The following SYT14 variants were observed in gnomAD, a reference collection of about 807,000 sequenced individuals.
SYT14 encodes the protein synaptotagmin-14.
Under a neutral mutation model 74.2 loss-of-function variants are expected in SYT14, and 32 were observed. The observed-to-expected ratio is 0.43, with a 90% CI of 0.33 to 0.58. The LOEUF is 0.58. SYT14 is among the 20% of genes least tolerant of loss of function. The pLI, the probability that SYT14 is intolerant of heterozygous loss-of-function variation, is 0.05. For synonymous variants in SYT14, 298 were observed against 337.7 expected (o/e 0.88, Z 1.29); for missense variants, 791 against 981.8 (o/e 0.81, Z 2.60).
intron 2 of SYT14, among the ~76,000 whole-genome samples, chr1:209,960,344 G>T (rs1209474631): frequency 1.3e-5 from 2 of 152,068 alleles, no homozygotes. Flanking sequence ...ATGATCAGTG[G>T]TTAACTTTGT....
intron 2 of SYT14, among the ~76,000 whole-genome samples, chr1:209,997,211 C>T (rs1165167466): frequency 2.0e-5 from 3 of 151,978 alleles, no homozygotes; most frequent in South Asian, 4.2e-4. Flanking sequence ...TGATTCTACA[C>T]GTAGAAAATC....
Position 210,097,484 on chromosome 1 carries a change from A to G in SYT14, c.1585-2528A>G, listed in dbSNP as rs183248966. 2.6e-5 allele frequency among the ~76,000 whole-genome samples: 4 copies of G among 152,228 alleles called. No homozygotes were observed. In the East Asian group the frequency reaches 7.7e-4, roughly 29 times the overall value. The stretch of plus-strand genomic sequence containing the variant: ...TCTGTCAGTGTTCCACCCTTTCAAC[A>G]TTGGGTTTCATAAGAGTTGTTGGAA... On this transcript the variant is annotated intron_variant, in intron 6 of 9. Transcript: ENST00000637265.
At chr1:210,054,956 C>T (rs1329388894) in intron 5 of SYT14, among the ~76,000 whole-genome samples, 2 of 152,118 alleles carry the variant, frequency 1.3e-5, no homozygotes, top group African/African-American at 4.8e-5. Context: ...ATAGAGGACA[C>T]AGTTTGGGGT....
At chr1:209,964,587 C>T (rs1490921122) in intron 2 of SYT14, among the ~76,000 whole-genome samples, 1 of 152,116 alleles carries the variant, frequency 6.6e-6, no homozygotes, top group Non-Finnish European at 1.5e-5. Context: ...GTATCCTCTC[C>T]TACAATTTAT....
rs568699802 is a variant in SYT14 at position 209,991,349 on chromosome 1, C to T, written c.-485-22284C>T. Among the ~76,000 whole-genome samples, 14 of 152,230 alleles carry T rather than the reference C, an allele frequency of 9.2e-5. No homozygotes were observed. The East Asian group carries it at 2.5e-3, about 27-fold the overall frequency. ...ATCAACACAGTGAACAGACAACCTGCAGAATGGGGGAAAATACTAGCCAAC... is the reference window on the plus strand; with the variant it reads ...ATCAACACAGTGAACAGACAACCTGTAGAATGGGGGAAAATACTAGCCAAC... On this transcript the variant is annotated intron_variant, in intron 2 of 9. Coordinates refer to ENST00000637265, the Ensembl canonical transcript of SYT14.
At chr1:209,968,861 A>G (rs577469595) in intron 2 of SYT14, among the ~76,000 whole-genome samples, 3 of 152,130 alleles carry the variant, frequency 2.0e-5, no homozygotes, top group African/African-American at 7.2e-5. Flanking sequence ...TGAACATAGT[A>G]TCCAATAGGT....
At chr1:209,964,056 A>G (rs556334792) in intron 2 of SYT14, among the ~76,000 whole-genome samples, 10 of 152,268 alleles carry the variant, frequency 6.6e-5, no homozygotes, top group African/African-American at 2.4e-4. Flanking sequence ...CCCCACCTGA[A>G]TCTCATCTTG....
chr1:210,080,390 C>T (rs1167868282), intron 5 of SYT14, among the ~76,000 whole-genome samples: 1 of 152,100 alleles, frequency 6.6e-6, no homozygotes, highest in African/African-American at 2.4e-5. Flanking sequence ...TTTCTAACAG[C>T]CTGGTATTTC....
chr1:209,938,293 C>CAGCGGGG lies in SYT14; in HGVS notation c.-534+21_-534+27dup. 1.9e-6 allele frequency: 3 copies of CAGCGGGG among 1,555,472 alleles called. No homozygotes were observed. The highest frequency in any genetic ancestry group is 2.6e-6 in the Non-Finnish European group (3 of 1,147,192). On this transcript the variant is annotated intron_variant, in intron 1 of 9. Coordinates refer to ENST00000637265, the Ensembl canonical transcript of SYT14. ...GCGATTGAAGGTAAGTGGAGGCTGACAGCGGGGAGCGAGGACCGGGACCAC... is the reference window on the plus strand; with the variant it reads ...GCGATTGAAGGTAAGTGGAGGCTGACAGCGGGGAGCGGGGAGCGAGGACCGGGACCAC...
chr1:210,065,123 T>C (rs1572238506), intron 5 of SYT14, among the ~76,000 whole-genome samples: 1 of 152,226 alleles, frequency 6.6e-6, no homozygotes, highest in East Asian at 1.9e-4. Context: ...TTGGGTTGTT[T>C]TGAGTTGTTT....
chr1:210,063,399 C>T (rs1489756619), intron 5 of SYT14, among the ~76,000 whole-genome samples: 1 of 151,744 alleles, frequency 6.6e-6, no homozygotes, highest in Non-Finnish European at 1.5e-5. Flanking sequence ...TATTTCTGAA[C>T]TTTATTGTGT....
intron 5 of SYT14, among the ~76,000 whole-genome samples, chr1:210,043,058 A>T (rs2080823607): frequency 1.3e-5 from 2 of 152,132 alleles, no homozygotes; most frequent in African/African-American, 4.8e-5. Context: ...CTCCTTGAAG[A>T]GGTCCTTCAC....
At chr1:209,955,668 T>C (rs1408275376) in intron 2 of SYT14, among the ~76,000 whole-genome samples, 2 of 152,202 alleles carry the variant, frequency 1.3e-5, no homozygotes, top group Non-Finnish European at 2.9e-5. Context: ...AATTTTTCTA[T>C]GGATTCTCAT....
chr1:210,012,453 GGAA>G (rs1360154393), intron 2 of SYT14, among the ~76,000 whole-genome samples: 3 of 152,134 alleles, frequency 2.0e-5, no homozygotes, highest in Non-Finnish European at 4.4e-5. Flanking sequence ...TCCAGGCAAG[GGAA>G]GAAGATCAAT....
intron 2 of SYT14, among the ~76,000 whole-genome samples, chr1:210,009,631 T>C (rs146402551): frequency 2.3e-3 from 348 of 152,200 alleles, no homozygotes; most frequent in Non-Finnish European, 4.2e-3. Context: ...GTGAGTGAAG[T>C]GTTTCATATG....
chr1:210,016,051 T>G (rs766056647), exon 4 of SYT14: 14 of 1,232,004 alleles, frequency 1.1e-5, no homozygotes, highest in Non-Finnish European at 1.3e-5. Flanking sequence ...CAGTGTCCTC[T>G]CTAGTAGACA....
intron 2 of SYT14, among the ~76,000 whole-genome samples, chr1:210,000,367 T>C (rs1360527031): frequency 6.6e-6 from 1 of 151,922 alleles, no homozygotes; most frequent in Non-Finnish European, 1.5e-5. Flanking sequence ...ATACGTGGGA[T>C]AGTGCATGAT....
rs1215251571 is a variant in SYT14, at chr1:210,065,695, TG to T, written c.1313-28626del. Among the ~76,000 whole-genome samples the T allele has an allele frequency of 3.9e-5, 6 of 152,064 alleles. No homozygotes were observed. In the East Asian group the frequency reaches 1.2e-3, roughly 29 times the overall value. ...ACTTAACTTTTCATTTTCAATGAAA[TG>T]TATGTAAATATACATTTGAAATACT... is the stretch of plus-strand genomic sequence containing the variant. On this transcript the variant is annotated intron_variant, in intron 5 of 9. Transcript: ENST00000637265.
At chr1:210,111,281 G>A (rs1364019217) in intron 7 of SYT14, among the ~76,000 whole-genome samples, 1 of 152,096 alleles carries the variant, frequency 6.6e-6, no homozygotes, top group Non-Finnish European at 1.5e-5. Flanking sequence ...CTGGTGGGCA[G>A]GGGTGGGTGT....
Sources: gnomAD v4.1 joint callset for allele counts (sites outside exome capture counted in the v4.1 genomes callset) on GRCh38, gnomAD v4.1.1 for gene constraint, MANE v1.5 for transcripts, NCBI Gene and HGNC (gene_info 2026-07-23, HGNC 2026-07-21) for gene names.